VPS41: variants seen among roughly 807,000 people sequenced by gnomAD.
VPS41 encodes VPS41 subunit of HOPS complex, also known as vacuolar protein sorting-associated protein 41 homolog.
Under a neutral mutation model 130.9 loss-of-function variants are expected in VPS41, and 85 were observed. The observed-to-expected ratio is 0.65, with a 90% confidence interval of 0.55 to 0.78. The LOEUF is 0.78. VPS41 is among the 30% of genes least tolerant of loss of function. VPS41 has a pLI of 0.00. For synonymous variants in VPS41, 335 were observed against 332.9 expected, an observed-to-expected ratio of 1.01 and a Z score of -0.07; for missense variants, 874 against 1,018.7, an observed-to-expected ratio of 0.86 and a Z score of 1.93.
chr7:38,751,810 G>GGACA (rs1046103156), intron 22 of VPS41, among the ~76,000 whole-genome samples: 3 of 152,190 alleles, frequency 2.0e-5, no homozygotes, highest in Non-Finnish European at 4.4e-5. Context: ...TTCTGGCTTA[G>GGACA]GACAGTCTGT....
intron 28 of VPS41, among the ~76,000 whole-genome samples, chr7:38,726,666 G>A (rs1795550838): frequency 1.3e-5 from 2 of 152,202 alleles, no homozygotes; most frequent in African/African-American, 4.8e-5. Context: ...CATGACAGCT[G>A]TCAACTGGGC....
At chr7:38,751,654 G>C (rs1217318047) in intron 22 of VPS41, among the ~76,000 whole-genome samples, 1 of 152,208 alleles carries the variant, frequency 6.6e-6, no homozygotes. Flanking sequence ...CCAGGAGACA[G>C]AGACTAGTAA....
At chr7:38,839,351 T>C (rs1785559904) in intron 4 of VPS41, among the ~76,000 whole-genome samples, 1 of 152,230 alleles carries the variant, frequency 6.6e-6, no homozygotes, top group Non-Finnish European at 1.5e-5. Context: ...TCTATACATC[T>C]ACAAAACAAA....
chr7:38,875,657 A>T (rs868611382), intron 2 of VPS41, among the ~76,000 whole-genome samples: 2 of 152,190 alleles, frequency 1.3e-5, no homozygotes, highest in African/African-American at 2.4e-5. Context: ...TTAATAACAC[A>T]AGGTATTATA....
chr7:38,879,555 C>G (rs1786557921), intron 2 of VPS41, among the ~76,000 whole-genome samples: 1 of 151,746 alleles, frequency 6.6e-6, no homozygotes, highest in Non-Finnish European at 1.5e-5. Context: ...CTTTTTGGCA[C>G]CAGGGACTGG....
intron 1 of VPS41, among the ~76,000 whole-genome samples, chr7:38,907,986 T>C (rs918736272): frequency 6.6e-6 from 1 of 152,236 alleles, no homozygotes. Flanking sequence ...GACTTTGTTA[T>C]CTTGTTATCA....
intron 25 of VPS41, among the ~76,000 whole-genome samples, chr7:38,732,234 A>G (rs1244314824): frequency 2.0e-5 from 3 of 152,186 alleles, no homozygotes. Flanking sequence ...GTTTAGGGCT[A>G]CTAAGGAAAT....
chr7:38,755,654 G>A (rs1783776031), intron 19 of VPS41, among the ~76,000 whole-genome samples: 1 of 152,218 alleles, frequency 6.6e-6, no homozygotes. Context: ...GAGGGTGTTG[G>A]AGTAGATTAT....
chr7:38,891,970 C>G (rs1257139051), intron 2 of VPS41, among the ~76,000 whole-genome samples: 1 of 151,860 alleles, frequency 6.6e-6, no homozygotes, highest in Non-Finnish European at 1.5e-5. Flanking sequence ...TGTAAATAAA[C>G]AGCATTATAT....
rs138134423 is a variant in VPS41 at position 38,878,354 on chromosome 7, G to A, written c.61-9101C>T. 5.3e-4 allele frequency among the ~76,000 whole-genome samples: 81 copies of A among 152,270 alleles called. 2 individuals are homozygous for A. In the East Asian group the frequency reaches 0.015, roughly 29 times the overall value. On this transcript the variant is annotated intron_variant, in intron 2 of 28. Coordinates refer to ENST00000310301, the MANE Select transcript of VPS41 (RefSeq NM_014396.4). ...AAGGTACATGGCTCAGGCTGTTTCA[G>A]TGGCAAGTTCTATTAAAAACCTTCA...
chr7:38,907,899 T>G (rs1787303174), intron 1 of VPS41, among the ~76,000 whole-genome samples: 1 of 152,212 alleles, frequency 6.6e-6, no homozygotes, highest in African/African-American at 2.4e-5. Flanking sequence ...ATGGCAGTCA[T>G]GAAATGATAT....
intron 25 of VPS41, among the ~76,000 whole-genome samples, chr7:38,731,673 C>G (rs1795664987): frequency 6.6e-6 from 1 of 152,144 alleles, no homozygotes; most frequent in Admixed American, 6.6e-5. Flanking sequence ...CATGCACACT[C>G]TTCTGTTACT....
At chr7:38,828,826 T>C (rs1244793769) in intron 5 of VPS41, among the ~76,000 whole-genome samples, 1 of 152,336 alleles carries the variant, frequency 6.6e-6, no homozygotes, top group East Asian at 1.9e-4. Flanking sequence ...AGGTTCATCT[T>C]ATCCACCAGA....
At chr7:38,803,148 T>C (rs1464673850) in intron 7 of VPS41, among the ~76,000 whole-genome samples, 2 of 152,202 alleles carry the variant, frequency 1.3e-5, no homozygotes, top group African/African-American at 4.8e-5. Context: ...CAGAGTGGTA[T>C]AAGGACATGG....
intron 17 of VPS41, among the ~76,000 whole-genome samples, chr7:38,762,707 T>C (rs1019100198): frequency 1.3e-5 from 2 of 152,154 alleles, no homozygotes; most frequent in African/African-American, 4.8e-5. Context: ...GACAATTTAA[T>C]TCAAAATTAA....
intron 2 of VPS41, among the ~76,000 whole-genome samples, chr7:38,892,020 T>A (rs919711343): frequency 7.9e-5 from 12 of 152,098 alleles, no homozygotes; most frequent in Middle Eastern, 3.4e-3. Context: ...ACAATTAATA[T>A]TATATATAAA....
chr7:38,813,008 A>G (rs1374450402), intron 7 of VPS41, among the ~76,000 whole-genome samples: 1 of 152,230 alleles, frequency 6.6e-6, no homozygotes, highest in Non-Finnish European at 1.5e-5. Context: ...GAGTTACTAT[A>G]TGATTCAACA....
rs556972008 is a variant in VPS41, at chr7:38,902,570, C to T, written c.22-4441G>A. Among the ~76,000 whole-genome samples the T allele has an allele frequency of 1.1e-4, 17 of 152,290 alleles. No homozygotes were observed. In the South Asian group the frequency reaches 3.3e-3, roughly 30 times the overall value. On this transcript the variant is annotated intron_variant, in intron 1 of 28. Transcript: ENST00000310301. ...ATCAGTTGCAGCTGAGCGGTTACACCCAGGACAGAATGCACTCCACCACCC... is the reference window on the plus strand; with the variant it reads ...ATCAGTTGCAGCTGAGCGGTTACACTCAGGACAGAATGCACTCCACCACCC...
At chr7:38,827,973 T>C (rs910702280) in intron 5 of VPS41, among the ~76,000 whole-genome samples, 1 of 152,062 alleles carries the variant, frequency 6.6e-6, no homozygotes, top group Non-Finnish European at 1.5e-5. Flanking sequence ...TTATTATTAT[T>C]AGTCCAAGTT....
Sources: allele counts gnomAD v4.1 joint callset (sites outside exome capture counted in the v4.1 genomes callset), GRCh38; gene constraint gnomAD v4.1.1; transcripts MANE v1.5; gene names NCBI Gene and HGNC (gene_info 2026-07-23, HGNC 2026-07-21).